The following KIAA0232 variants were observed in gnomAD, a reference collection of about 807,000 sequenced individuals.
KIAA0232 encodes the protein KIAA0232.
KIAA0232 carries 27 observed loss-of-function variants against 122.0 expected under a neutral mutation model. The ratio of observed to expected loss-of-function variants is 0.22; its 90% CI spans 0.16 to 0.31. The LOEUF is 0.31. Ranked by LOEUF, KIAA0232 falls within the 10% of genes least tolerant of loss-of-function variation. The pLI is 1.00. For missense variants in KIAA0232, 1,551 were observed against 1,634.2 expected, an observed-to-expected ratio of 0.95 and a Z score of 0.88; for synonymous variants, 613 against 587.6, an observed-to-expected ratio of 1.04 and a Z score of -0.63.
At chr4:6,851,928 G>C (rs537835589) in intron 4 of KIAA0232, among the ~76,000 whole-genome samples, 1 of 152,174 alleles carries the variant, frequency 6.6e-6, no homozygotes, top group South Asian at 2.1e-4. Flanking sequence ...TTCCCTTTAT[G>C]TTACATCACC....
chr4:6,850,889 C>T (rs1442876542), intron 4 of KIAA0232, among the ~76,000 whole-genome samples: 7 of 152,220 alleles, frequency 4.6e-5, no homozygotes, highest in African/African-American at 7.2e-5. Flanking sequence ...AGGATGGTCT[C>T]GATCTCTTGA....
rs1424142019 is a variant in KIAA0232 at position 6,835,883 on chromosome 4, GTTGGTTCCATGTCT to G, written c.232-6180_232-6167del. Among the ~76,000 whole-genome samples the G allele has an allele frequency of 2.1e-3, 323 of 152,258 alleles. 2 individuals are homozygous for G. Among genetic ancestry groups the G allele is most frequent in the African/African-American group, 7.3e-3 (303 of 41,544 alleles). On this transcript the variant is annotated intron_variant, in intron 3 of 9. Coordinates refer to ENST00000307659, the MANE Select transcript of KIAA0232 (RefSeq NM_014743.3). The stretch of plus-strand genomic sequence containing the variant: ...CAGTCTATTATTGATGGACATTTGG[GTTGGTTCCATGTCT>G]TTGCTATTGTGAATAGTGCTGCAAT...
intron 9 of KIAA0232, among the ~76,000 whole-genome samples, chr4:6,878,533 T>C (rs552783382): frequency 6.6e-6 from 1 of 152,328 alleles, no homozygotes; most frequent in South Asian, 2.1e-4. Flanking sequence ...GAAATACTCC[T>C]CAAGACAATT....
intron 4 of KIAA0232, among the ~76,000 whole-genome samples, chr4:6,848,421 G>A (rs561929159): frequency 6.6e-6 from 1 of 152,276 alleles, no homozygotes; most frequent in East Asian, 1.9e-4. Context: ...GAAAAAAATG[G>A]ATGATTGTGT....
At chr4:6,847,273 C>G (rs1251491798) in intron 4 of KIAA0232, among the ~76,000 whole-genome samples, 8 of 152,284 alleles carry the variant, frequency 5.3e-5, no homozygotes, top group Admixed American at 3.3e-4. Context: ...AGACTGTTCA[C>G]TGGTGTCATG....
At chr4:6,844,425 C>A (rs1485065178) in intron 4 of KIAA0232, among the ~76,000 whole-genome samples, 1 of 151,766 alleles carries the variant, frequency 6.6e-6, no homozygotes, top group Non-Finnish European at 1.5e-5. Flanking sequence ...TTCTTAATTT[C>A]TTTTTCTTTT....
Position 6,861,779 on chromosome 4 carries a change from T to C in KIAA0232, c.1397T>C (p.Ile466Thr). 1 of 1,614,188 alleles carries C rather than the reference T, an allele frequency of 6.2e-7. No homozygotes were observed. Among genetic ancestry groups the C allele is most frequent in the Non-Finnish European group, 8.5e-7 (1 of 1,180,016 alleles). Residue 466 changes from isoleucine (I) to threonine (T), a missense_variant, in exon 7 of 10, where the codon ATT becomes ACT. This residue lies in a region of KIAA0232 where 1,108 missense variants were observed against 1,154.8 expected (regional missense o/e 0.96). Coordinates refer to ENST00000307659, the MANE Select transcript of KIAA0232 (RefSeq NM_014743.3). ...HKTYLAAGTFIDGHFVEMPAV... is the reference protein window; with the variant it reads ...HKTYLAAGTFTDGHFVEMPAV... ...ACATACCTCGCAGCAGGTACTTTCA[T>C]TGATGGTCATTTTGTAGAAATGCCT...
chr4:6,861,029 G>C lies in KIAA0232; in HGVS notation c.647G>C (p.Ser216Thr). ...TCATCATCCACAGCCCCACCAGCTAGCACAGATACTTCCTCTCCTAAGGAC... is the reference window on the plus strand; with the variant it reads ...TCATCATCCACAGCCCCACCAGCTACCACAGATACTTCCTCTCCTAAGGAC... ...SSSSSTAPPASTDTSSPKDCN... is the reference protein window; with the variant it reads ...SSSSSTAPPATTDTSSPKDCN... Residue 216 changes from serine (S) to threonine (T), a missense_variant, in exon 7 of 10, where the codon AGC (serine) becomes ACC (threonine). Coordinates refer to ENST00000307659, the MANE Select transcript of KIAA0232 (RefSeq NM_014743.3). The C allele has an allele frequency of 6.2e-7, 1 of 1,614,170 alleles. No individual in the cohort carries two copies. Among genetic ancestry groups the C allele is most frequent in the Non-Finnish European group, 8.5e-7 (1 of 1,180,030 alleles).
chr4:6,862,193 A>G lies in KIAA0232; in HGVS notation c.1811A>G (p.Glu604Gly), dbSNP rs1390486770. ...TCCAGCTCCGGTGATGCTGATGGGG[A>G]GAGTTTTGGAGGAGACTCTCCAGTT... ...CSSSSGDADG[E>G]SFGGDSPVRL... Residue 604 changes from glutamate (E) to glycine (G), a missense_variant, in exon 7 of 10, where the codon GAG becomes GGG. Coordinates refer to ENST00000307659, the MANE Select transcript of KIAA0232 (RefSeq NM_014743.3). 6.2e-7 allele frequency: 1 copy of G among 1,613,988 alleles called. No individual in the cohort carries two copies. The highest frequency in any genetic ancestry group is 8.5e-7 in the Non-Finnish European group (1 of 1,179,998).
In KIAA0232 at chr4:6,863,734, C is replaced by G; in HGVS notation, c.3352C>G (p.Pro1118Ala). ...FRPISASELS[P>A]GGGSESEFES... ...CCCAATTTCTGCATCCGAACTGTCC[C>G]CAGGAGGAGGAAGCGAGTCAGAATT... Residue 1118 changes from proline to alanine, a missense_variant, in exon 7 of 10, where the codon CCA (proline) becomes GCA (alanine). Transcript: ENST00000307659. 1 of 1,614,128 alleles carries G rather than the reference C, an allele frequency of 6.2e-7. No individual in the cohort carries two copies. The highest frequency in any genetic ancestry group is 8.5e-7 in the Non-Finnish European group (1 of 1,180,026).
chr4:6,832,742 C>G (rs1028057732), intron 3 of KIAA0232, among the ~76,000 whole-genome samples: 42 of 152,282 alleles, frequency 2.8e-4, no homozygotes, highest in African/African-American at 9.6e-4. Context: ...ACGTATTAGA[C>G]AAATGGATAG....
At chr4:6,879,843 A>G (rs1472695633) in intron 9 of KIAA0232, among the ~76,000 whole-genome samples, 4 of 136,426 alleles carry the variant, frequency 2.9e-5, no homozygotes, top group African/African-American at 8.2e-5. Context: ...CACCATCTGT[A>G]CTGTGTCACT....
intron 3 of KIAA0232, among the ~76,000 whole-genome samples, chr4:6,827,585 T>G (rs1015456575): frequency 6.6e-6 from 1 of 152,228 alleles, no homozygotes; most frequent in African/African-American, 2.4e-5. Context: ...AGCGGCCAGT[T>G]TGAAGACCCA....
chr4:6,788,685 G>C (rs1375080767), intron 1 of KIAA0232, among the ~76,000 whole-genome samples: 1 of 152,136 alleles, frequency 6.6e-6, no homozygotes, highest in Non-Finnish European at 1.5e-5. Context: ...TTAAATGTTT[G>C]ACTGAATTAA....
chr4:6,872,988 A>G (rs1185037645), intron 8 of KIAA0232, among the ~76,000 whole-genome samples: 1 of 152,234 alleles, frequency 6.6e-6, no homozygotes, highest in Non-Finnish European at 1.5e-5. Flanking sequence ...CATCTGGGTC[A>G]TAAGGAGAGC....
intron 1 of KIAA0232, among the ~76,000 whole-genome samples, chr4:6,784,449 G>T (rs998856662): frequency 6.6e-6 from 1 of 152,078 alleles, no homozygotes; most frequent in Admixed American, 6.6e-5. Context: ...GGGGGAGGAG[G>T]AGCGGATTCT....
intron 2 of KIAA0232, among the ~76,000 whole-genome samples, chr4:6,814,178 A>G (rs1225685674): frequency 6.6e-6 from 1 of 152,148 alleles, no homozygotes; most frequent in Non-Finnish European, 1.5e-5. Flanking sequence ...TCTGTGTTCT[A>G]AAAACAAGTA....
chr4:6,841,909 G>A (rs1174274238), intron 3 of KIAA0232, among the ~76,000 whole-genome samples, 158 bp from the exon 4 acceptor site: 2 of 152,164 alleles, frequency 1.3e-5, no homozygotes, highest in Non-Finnish European at 2.9e-5. Context: ...AATCCGTCTT[G>A]GAATGCCAGC....
chr4:6,800,638 G>A (rs756070835), intron 1 of KIAA0232, among the ~76,000 whole-genome samples: 6 of 151,676 alleles, frequency 4.0e-5, no homozygotes, highest in Non-Finnish European at 5.9e-5. Flanking sequence ...ACGAGATCAT[G>A]CCACTGCACT....
Sources: allele counts gnomAD v4.1 joint callset (sites outside exome capture counted in the v4.1 genomes callset), GRCh38; gene constraint gnomAD v4.1.1; regional missense constraint gnomAD v4.1.1; transcripts MANE v1.5; gene names NCBI Gene and HGNC (gene_info 2026-07-23, HGNC 2026-07-21).